Variants in RCCD1 observed in about 807,000 individuals in gnomAD.
RCCD1 encodes RCC1 domain-containing protein 1.
RCCD1 carries 40 observed loss-of-function variants against 37.6 expected under a neutral mutation model. The ratio of observed to expected loss-of-function variants is 1.06; its 90% confidence interval spans 0.83 to 1.39. The LOEUF is 1.39. Ranked by LOEUF, RCCD1 falls within the 40% of genes most tolerant of loss-of-function variation. The pLI is 0.00. For synonymous variants in RCCD1, 263 were observed against 230.0 expected (o/e 1.14, Z -1.30); for missense variants, 577 against 517.3 (o/e 1.12, Z -1.12).
rs1206555711 is a variant in RCCD1, at chr15:90,956,821, G to A, written c.87G>A (p.Val29=). ...QELGSGRGRQ[V]HSPSPLRAGV... ...TGGGCTCCGGACGCGGGCGCCAGGT[G>A]CACAGCCCCAGTCCGCTGCGGGCGG... is the stretch of plus-strand genomic sequence containing the variant. The change falls in exon 2 of 8, where the codon GTG becomes GTA. Residue 29 remains valine, a synonymous_variant. Transcript: ENST00000394258. 2 of 1,304,882 alleles carry A rather than the reference G, an allele frequency of 1.5e-6. No individual in the cohort carries two copies. Among genetic ancestry groups the A allele is most frequent in the African/African-American group, 3.0e-5 (2 of 66,026 alleles). The allele number at this position is 1,304,882 out of a possible 1,614,324, so 80.8% of individuals were successfully genotyped here.
chr15:90,961,529 C>G, intron 7 of RCCD1, 89 bp from the exon 8 acceptor site: 2 of 1,420,118 alleles, frequency 1.4e-6, no homozygotes, highest in Non-Finnish European at 1.9e-6. Flanking sequence ...AATCCCAGCA[C>G]TTCATTTGAT....
chr15:90,957,256 G>C lies in RCCD1; in HGVS notation c.310G>C (p.Ala104Pro). The C allele has an allele frequency of 6.7e-7, 1 of 1,485,026 alleles. No individual in the cohort carries two copies. The highest frequency in any genetic ancestry group is 1.3e-5 in the South Asian group (1 of 75,884). The allele number at this position is 1,485,026 out of a possible 1,614,324, so 92.0% of individuals were successfully genotyped here. Residue 104 changes from alanine to proline, a missense_variant, in exon 3 of 8, where the codon GCG (alanine) becomes CCG (proline). Transcript: ENST00000394258. ...ALLQVWAAES[A>P]LRGEPLWAQN... ...ACTGCAGGTCTGGGCGGCCGAATCG[G>C]CGCTGCGTGGGGAGCCATTGTGGGC...
intron 4 of RCCD1, among the ~76,000 whole-genome samples, 159 bp downstream of exon 4, chr15:90,957,884 C>T (rs990564261): frequency 1.3e-5 from 2 of 152,224 alleles, no homozygotes; most frequent in Non-Finnish European, 2.9e-5. Context: ...CCCTCGGCCT[C>T]CTCTGCCTGC....
chr15:90,957,799 TG>T lies in RCCD1; in HGVS notation c.679+79del. ...CTTCCTCCTCGTTTTCCAGTTTGGG[TG>T]GGGGCCTACCCAGGCCTCCTTCCAA... is the stretch of plus-strand genomic sequence containing the variant. On this transcript the variant is annotated intron_variant, in intron 4 of 7. Coordinates refer to ENST00000394258, the MANE Select transcript of RCCD1 (RefSeq NM_001017919.2). 6.5e-6 allele frequency: 10 copies of T among 1,532,388 alleles called. 1 individual carries two copies. The highest frequency in any genetic ancestry group is 5.0e-5 in the South Asian group (4 of 79,212). The allele number at this position is 1,532,388 out of a possible 1,614,324, so 94.9% of individuals were successfully genotyped here. A position where few individuals can be genotyped will look rare whatever the true frequency, so the allele number is the denominator to read the frequency against.
Position 90,956,544 on chromosome 15 carries a change from T to C in RCCD1, c.-123-68T>C, listed in dbSNP as rs2037196922. 13 of 471,498 alleles carry C rather than the reference T, an allele frequency of 2.8e-5. No individual in the cohort carries two copies. The Admixed American group carries it at 5.3e-4, about 19-fold the overall frequency. The allele number at this position is 471,498 out of a possible 1,614,324, so 29.2% of individuals were successfully genotyped here. On this transcript the variant is annotated intron_variant, in intron 1 of 7. Transcript: ENST00000394258. Reference sequence around the variant, plus strand: ...GTAGGGCATTAGTCAGGGCGCCTGCTCAGCGAACCTTCGTGGCACGGACTC... The same window carrying C: ...GTAGGGCATTAGTCAGGGCGCCTGCCCAGCGAACCTTCGTGGCACGGACTC...
At chr15:90,959,827 C>A in intron 4 of RCCD1, 73 bp from the exon 5 acceptor site, 2 of 1,180,922 alleles carry the variant, frequency 1.7e-6, no homozygotes, top group Non-Finnish European at 1.2e-6. Flanking sequence ...GGAGCGGATG[C>A]GATGGGGAGG....
Position 90,960,501 on chromosome 15 carries a change from G to T in RCCD1, c.949+3G>T. The T allele has an allele frequency of 6.2e-7, 1 of 1,605,842 alleles. No homozygotes were observed. Among genetic ancestry groups the T allele is most frequent in the South Asian group, 1.1e-5 (1 of 90,824 alleles). On this transcript the variant is annotated splice_donor_region_variant and intron_variant, in intron 6 of 7. Coordinates refer to ENST00000394258, the MANE Select transcript of RCCD1 (RefSeq NM_001017919.2). ...CCGGCACACAGCTGTGGTGACACGT[G>T]AGTGGGGCTGGGAGGCACTCTGCTC...
rs558065912 is a variant in RCCD1, at chr15:90,959,766, C to T, written c.680-134C>T. On this transcript the variant is annotated intron_variant, in intron 4 of 7. Coordinates refer to ENST00000394258, the MANE Select transcript of RCCD1 (RefSeq NM_001017919.2). ...CAAGCCCCTGGGGCCCGAGGGGAAG[C>T]GCCTTGGCCTGGAGTGCTACCTTGG... 1.1e-4 allele frequency: 63 copies of T among 593,506 alleles called. 1 individual carries two copies. The South Asian group carries it at 1.4e-3, about 13-fold the overall frequency. The allele number at this position is 593,506 out of a possible 1,614,324, so 36.8% of individuals were successfully genotyped here.
In RCCD1 at chr15:90,957,751, C is replaced by T. The variant is rs764498604; in HGVS notation, c.679+26C>T. On this transcript the variant is annotated intron_variant, in intron 4 of 7. Transcript: ENST00000394258. ...GTGAGTGACTTAGTGCTTCTCCAGA[C>T]GAGCTCATGATCTTGTGCAAACCTT... is the stretch of plus-strand genomic sequence containing the variant. 8.9e-6 allele frequency: 14 copies of T among 1,579,164 alleles called. No homozygotes were observed. In the East Asian group the frequency reaches 2.3e-4, roughly 25 times the overall value.
At chr15:90,956,197 G>C (rs12911444) in intron 1 of RCCD1, among the ~76,000 whole-genome samples, 8,314 of 152,266 alleles carry the variant, frequency 0.055, 338 homozygotes, top group South Asian at 0.15. Flanking sequence ...TGTGGGGAGA[G>C]GGGCAGAGCA....
rs1353703279 is a variant in RCCD1, at chr15:90,961,624, A to T, written c.986A>T (p.Tyr329Phe). The T allele has an allele frequency of 1.2e-6, 2 of 1,612,338 alleles. No individual in the cohort carries two copies. The highest frequency in any genetic ancestry group is 2.7e-5 in the African/African-American group (2 of 74,856). The change falls in exon 8 of 8, where the codon TAT becomes TTT. Residue 329 changes from tyrosine to phenylalanine, a missense_variant. Physicochemically the swap from Tyr to Phe is conservative, Grantham distance 22. Coordinates refer to ENST00000394258, the MANE Select transcript of RCCD1 (RefSeq NM_001017919.2). ...GELYTWGWGK[Y>F]GQLGHEDTTS... ...GGGGCTGATTTCACTTTAGGTAAAT[A>T]TGGACAGCTGGGCCACGAGGACACC...
At chr15:90,959,154 C>T (rs2037264603) in intron 4 of RCCD1, among the ~76,000 whole-genome samples, 1 of 152,142 alleles carries the variant, frequency 6.6e-6, no homozygotes, top group South Asian at 2.1e-4. Context: ...ACTTAACCCC[C>T]TCTGTGCCTC....
rs768060862 is a variant in RCCD1 at position 90,957,284 on chromosome 15, A to G, written c.338A>G (p.Gln113Arg). 6.6e-7 allele frequency: 1 copy of G among 1,523,148 alleles called. No individual in the cohort carries two copies. The highest frequency in any genetic ancestry group is 8.8e-7 in the Non-Finnish European group (1 of 1,131,626). The allele number at this position is 1,523,148 out of a possible 1,614,324, so 94.4% of individuals were successfully genotyped here. A position where few individuals can be genotyped will look rare whatever the true frequency, so the allele number is the denominator to read the frequency against. The change falls in exon 3 of 8, where the codon CAG becomes CGG. Residue 113 changes from glutamine to arginine, a missense_variant. Transcript: ENST00000394258. ...CTGCGTGGGGAGCCATTGTGGGCCC[A>G]GAATGTGGTGCCCGAGGCCGAAGGG... ...SALRGEPLWA[Q>R]NVVPEAEGED...
chr15:90,956,199 G>A (rs1053231583), intron 1 of RCCD1, among the ~76,000 whole-genome samples: 14 of 152,174 alleles, frequency 9.2e-5, no homozygotes, highest in Non-Finnish European at 2.1e-4. Flanking sequence ...TGGGGAGAGG[G>A]GCAGAGCACT....
rs1321852660 is a variant in RCCD1 at position 90,961,070 on chromosome 15, G to C, written c.979+16G>C. 1 of 1,613,126 alleles carries C rather than the reference G, an allele frequency of 6.2e-7. No individual in the cohort carries two copies. Among genetic ancestry groups the C allele is most frequent in the Admixed American group, 1.7e-5 (1 of 59,920 alleles). ...TGGGGCTGGGGTAAGTAAAAGGATT[G>C]TTTTTGTGACCCTGAAACCAAGGAG... On this transcript the variant is annotated intron_variant, in intron 7 of 7. Transcript: ENST00000394258.
chr15:90,955,341 C>G (rs1211084764), intron 1 of RCCD1: 2 of 152,256 alleles, frequency 1.3e-5, no homozygotes, highest in Admixed American at 1.3e-4. Flanking sequence ...TCGGCGCCCG[C>G]TGGGCGGGAG....
In RCCD1 at chr15:90,962,178, CAT is replaced by C. The variant is rs1372505079; in HGVS notation, c.*411_*412del. The C allele has an allele frequency of 2.5e-5, 4 of 158,348 alleles. No individual in the cohort carries two copies. Among genetic ancestry groups the C allele is most frequent in the South Asian group, 1.9e-4 (1 of 5,344 alleles). The allele number at this position is 158,348 out of a possible 1,614,324, so 9.8% of individuals were successfully genotyped here. A position where few individuals can be genotyped will look rare whatever the true frequency, so the allele number is the denominator to read the frequency against. ...CATTCTTGTATGCAGCCTTATACGA[CAT>C]AGTTGTGTTTGCTTTTGAGTGTTAG... On this transcript the variant is annotated 3_prime_UTR_variant, in exon 8 of 8. Transcript: ENST00000394258.
In RCCD1 at chr15:90,961,038, C is replaced by G; in HGVS notation, c.963C>G (p.Leu321=). ...HTAVVTRTGE[L]YTWGWGKYGQ... ...TTTTGCTTTCAGGAACAGGGGAGCT[C>G]TACACCTGGGGCTGGGGTAAGTAAA... is the stretch of plus-strand genomic sequence containing the variant. The change falls in exon 7 of 8, where the codon CTC becomes CTG. Residue 321 remains leucine, a synonymous_variant. Coordinates refer to ENST00000394258, the MANE Select transcript of RCCD1 (RefSeq NM_001017919.2). The G allele has an allele frequency of 6.2e-7, 1 of 1,613,792 alleles. No homozygotes were observed. The highest frequency in any genetic ancestry group is 8.5e-7 in the Non-Finnish European group (1 of 1,179,942).
chr15:90,957,810 C>G (rs1354811372), intron 4 of RCCD1, 85 bp downstream of exon 4: 16 of 1,493,876 alleles, frequency 1.1e-5, no homozygotes, highest in Admixed American at 4.3e-5. Flanking sequence ...GGGGGCCTAC[C>G]CAGGCCTCCT....
Sources: gnomAD v4.1 joint callset for allele counts (sites outside exome capture counted in the v4.1 genomes callset) on GRCh38, gnomAD v4.1.1 for gene constraint, MANE v1.5 for transcripts, NCBI Gene and HGNC (gene_info 2026-07-23, HGNC 2026-07-21) for gene names.